The following OGDHL variants were observed in gnomAD, a reference collection of about 807,000 sequenced individuals.
The protein encoded by OGDHL is 2-oxoglutarate dehydrogenase-like, mitochondrial.
OGDHL carries 79 observed loss-of-function variants against 109.6 expected under a neutral mutation model. That is an observed-to-expected ratio of 0.72 (90% CI 0.60 to 0.87). The LOEUF is 0.87. OGDHL is among the 40% of genes least tolerant of loss of function. The pLI is 0.00. For synonymous variants in OGDHL, 528 were observed against 537.2 expected, an observed-to-expected ratio of 0.98 and a Z score of 0.24; for missense variants, 1,275 against 1,362.2, an observed-to-expected ratio of 0.94 and a Z score of 1.01.
chr10:49,744,547 A>G (rs759467704), intron 13 of OGDHL, 103 bp downstream of exon 13: 5 of 883,042 alleles, frequency 5.7e-6, no homozygotes, highest in Non-Finnish European at 9.2e-6. Flanking sequence ...CAGCCTCTAG[A>G]CTAGGCAATG....
Position 49,745,467 on chromosome 10 carries a change from C to T in OGDHL, c.1506G>A (p.Glu502=). The T allele has an allele frequency of 6.2e-7, 1 of 1,614,114 alleles. No homozygotes were observed. Among genetic ancestry groups the T allele is most frequent in the Non-Finnish European group, 8.5e-7 (1 of 1,180,050 alleles). ...LVCYRRRGHN[E]MDEPMFTQPL... ...GCTGGGTGAACATGGGCTCGTCCAT[C>T]TCATTGTGGCCACGCCGGCGGTAAC... Residue 502 remains glutamate (E), a synonymous_variant, in exon 12 of 23, where the codon GAG becomes GAA. Transcript: ENST00000374103.
chr10:49,761,911 C>G (rs1320375846), intron 1 of OGDHL, among the ~76,000 whole-genome samples: 1 of 152,228 alleles, frequency 6.6e-6, no homozygotes, highest in Non-Finnish European at 1.5e-5. Flanking sequence ...GCTCCGGGCC[C>G]TCCCCTGGCC....
At chr10:49,757,241 C>A (rs928481851) in intron 2 of OGDHL, among the ~76,000 whole-genome samples, 1 of 152,194 alleles carries the variant, frequency 6.6e-6, no homozygotes, top group Non-Finnish European at 1.5e-5. Flanking sequence ...GTATTGTGGA[C>A]ATGGAATATT....
intron 20 of OGDHL, 52 bp from the exon 21 acceptor site, chr10:49,736,572 G>A (rs1159898315): frequency 6.3e-7 from 1 of 1,581,566 alleles, no homozygotes; most frequent in Non-Finnish European, 8.6e-7. Context: ...AGGGGCTGGG[G>A]CAGCTCAGGA....
chr10:49,757,367 G>C (rs1638609401), intron 2 of OGDHL, among the ~76,000 whole-genome samples: 1 of 152,184 alleles, frequency 6.6e-6, no homozygotes. Flanking sequence ...TTTTCCATAA[G>C]AACAATGTAA....
intron 2 of OGDHL, 91 bp downstream of exon 2, chr10:49,758,298 G>T: frequency 1.5e-6 from 2 of 1,298,310 alleles, no homozygotes; most frequent in Non-Finnish European, 1.1e-6. Flanking sequence ...CACACAGCAG[G>T]CAAGCTGCTT....
chr10:49,740,669 T>C lies in OGDHL; in HGVS notation c.2140+41A>G, dbSNP rs571289711. Reference sequence around the variant, plus strand: ...TCCCAGCCCATCTCTTGTCCCCAGGTGTCTGGGGCCTGCCTGGCCTGCAGG... The same window carrying C: ...TCCCAGCCCATCTCTTGTCCCCAGGCGTCTGGGGCCTGCCTGGCCTGCAGG... On this transcript the variant is annotated intron_variant, in intron 16 of 22. Coordinates refer to ENST00000374103, the MANE Select transcript of OGDHL (RefSeq NM_018245.3). 6.9e-6 allele frequency: 11 copies of C among 1,594,314 alleles called. No individual in the cohort carries two copies. In the South Asian group the frequency reaches 1.1e-4, roughly 16 times the overall value.
At chr10:49,750,748 C>G in intron 7 of OGDHL, 91 bp downstream of exon 7, 1 of 1,444,018 alleles carries the variant, frequency 6.9e-7, no homozygotes, top group East Asian at 2.6e-5. Flanking sequence ...GTCCCACCAA[C>G]ACCTCCGCTC....
intron 1 of OGDHL, among the ~76,000 whole-genome samples, chr10:49,759,866 T>C (rs1335101942): frequency 6.6e-6 from 1 of 151,980 alleles, no homozygotes; most frequent in Non-Finnish European, 1.5e-5. Flanking sequence ...CCCCAGAAAA[T>C]GTGCATTCTG....
intron 21 of OGDHL, 41 bp from the exon 22 acceptor site, chr10:49,736,218 C>T (rs1042409236): frequency 1.2e-5 from 19 of 1,569,214 alleles, no homozygotes; most frequent in African/African-American, 1.3e-5. Flanking sequence ...AGAGGAGGGG[C>T]GGTATGTCCC....
At chr10:49,761,833 C>A (rs1158625040) in intron 1 of OGDHL, among the ~76,000 whole-genome samples, 2 of 152,198 alleles carry the variant, frequency 1.3e-5, no homozygotes, top group African/African-American at 2.4e-5. Flanking sequence ...CTTGGTAGTC[C>A]GAAGCTGCCT....
chr10:49,735,197 A>T lies in OGDHL; in HGVS notation c.*31T>A, dbSNP rs778255470. The T allele has an allele frequency of 6.5e-7, 1 of 1,547,022 alleles. No individual in the cohort carries two copies. The highest frequency in any genetic ancestry group is 8.7e-7 in the Non-Finnish European group (1 of 1,150,306). Reference sequence around the variant, plus strand: ...CACCCCCTTGGTCCCCAGCAAACCCACAGCGAGACCTACACAGGTTTTGCC... The same window carrying T: ...CACCCCCTTGGTCCCCAGCAAACCCTCAGCGAGACCTACACAGGTTTTGCC... On this transcript the variant is annotated 3_prime_UTR_variant, in exon 23 of 23. Transcript: ENST00000374103.
chr10:49,752,305 GC>G, intron 4 of OGDHL, 57 bp from the exon 5 acceptor site: 1 of 1,348,670 alleles, frequency 7.4e-7, no homozygotes, highest in East Asian at 2.3e-5. Context: ...GGGAGGTCAG[GC>G]CCAGGTGGAG....
In OGDHL at chr10:49,742,821, C is replaced by A. The variant is rs370919418; in HGVS notation, c.2012+7G>T. ...CCTGTGCGGATGCTGAGCCCCACTG[C>A]GCTCACCTGAATGTGCCCCTCTCCA... On this transcript the variant is annotated splice_region_variant and intron_variant, in intron 15 of 22. Transcript: ENST00000374103. 1.6e-5 allele frequency: 26 copies of A among 1,610,734 alleles called. No individual in the cohort carries two copies. In the East Asian group the frequency reaches 4.7e-4, roughly 29 times the overall value.
Position 49,743,995 on chromosome 10 carries a change from A to C in OGDHL, c.1860T>G (p.Thr620=). ...SVPLEDFKIH[T]GLSRILRGRA... ...CTGCAGCCTGTCCAGCAACCTCACC[A>C]GTGTGGATCTTAAAGTCCTCCAGGG... Residue 620 remains threonine (T), a splice_region_variant and synonymous_variant, in exon 14 of 23, where the codon ACT becomes ACG. Transcript: ENST00000374103. 2 of 1,613,362 alleles carry C rather than the reference A, an allele frequency of 1.2e-6. No homozygotes were observed. Among genetic ancestry groups the C allele is most frequent in the South Asian group, 2.2e-5 (2 of 91,044 alleles).
At chr10:49,745,744 G>A in intron 11 of OGDHL, 54 bp downstream of exon 11, 1 of 1,578,146 alleles carries the variant, frequency 6.3e-7, no homozygotes, top group Non-Finnish European at 8.7e-7. Context: ...GGCTGGCTCA[G>A]CACAGCAGGG....
rs76889077 is a variant in OGDHL, at chr10:49,752,235, A to C, written c.492T>G (p.Leu164=). 1.4e-3 allele frequency: 2,260 copies of C among 1,613,684 alleles called. 30 individuals are homozygous for C. In the African/African-American group the frequency reaches 0.023, roughly 16 times the overall value. Residue 164 remains leucine, a synonymous_variant, in exon 5 of 23, where the codon CTT becomes CTG. Transcript: ENST00000374103. The part of the protein sequence containing the change: ...TTIDKLAFYD[L]QEADLDKEFQ... ...ACTCCTTATCAAGGTCAGCCTCCTG[A>C]AGGTCATAGAAGGCTGGAGAAGGAG...
chr10:49,747,998 G>C (rs903894773), intron 8 of OGDHL, among the ~76,000 whole-genome samples: 2 of 152,332 alleles, frequency 1.3e-5, no homozygotes, highest in African/African-American at 4.8e-5. Flanking sequence ...CGGCAAAGAT[G>C]AAAGGATTCG....
intron 15 of OGDHL, 65 bp from the exon 16 acceptor site, chr10:49,740,902 AG>A: frequency 6.2e-7 from 1 of 1,600,032 alleles, no homozygotes; most frequent in South Asian, 1.1e-5. Flanking sequence ...CACCTGGAGC[AG>A]GGGAGCTGGG....
Sources: gnomAD v4.1 joint callset for allele counts (sites outside exome capture counted in the v4.1 genomes callset) on GRCh38, gnomAD v4.1.1 for gene constraint, MANE v1.5 for transcripts, NCBI Gene and HGNC (gene_info 2026-07-23, HGNC 2026-07-21) for gene names.